MACF1: variants seen among roughly 807,000 people sequenced by gnomAD.
The protein encoded by MACF1 is microtubule-actin cross-linking factor 1.
MACF1 carries 193 observed loss-of-function variants against 854.8 expected under a neutral mutation model. The observed-to-expected ratio is 0.23, with a 90% CI of 0.20 to 0.25. The LOEUF is 0.25. Ranked by LOEUF, MACF1 falls within the 10% of genes least tolerant of loss-of-function variation. The pLI is 1.00. For missense variants in MACF1, 7,722 were observed against 8,929.1 expected (o/e 0.86, Z 5.45); for synonymous variants, 3,185 against 3,226.7 (o/e 0.99, Z 0.44).
chr1:39,338,103 TTAGG>T (rs1646856356), intron 38 of MACF1, among the ~76,000 whole-genome samples: 1 of 152,124 alleles, frequency 6.6e-6, no homozygotes, highest in Non-Finnish European at 1.5e-5. Context: ...TTGGATTGAT[TTAGG>T]TAAGTTCAAA....
intron 60 of MACF1, 104 bp downstream of exon 60, chr1:39,423,004 C>G (rs1042920230): frequency 2.0e-6 from 2 of 984,030 alleles, no homozygotes; most frequent in African/African-American, 3.3e-5. Flanking sequence ...TAGTAGAATC[C>G]TAAACTACTT....
intron 2 of MACF1, among the ~76,000 whole-genome samples, chr1:39,249,100 A>G (rs1118139): frequency 0.06 from 9,186 of 152,104 alleles, 359 homozygotes; most frequent in African/African-American, 0.11. Context: ...CAGAAATCCA[A>G]TTGCCACTTA....
Position 39,251,951 on chromosome 1 carries a change from C to T in MACF1, c.357+10C>T. 2.0e-6 allele frequency: 3 copies of T among 1,483,424 alleles called. No homozygotes were observed. The highest frequency in any genetic ancestry group is 1.8e-6 in the Non-Finnish European group (2 of 1,120,218). 91.9% of individuals were successfully genotyped at this position (1,483,424 alleles called of 1,614,324 possible). On this transcript the variant is annotated intron_variant, in intron 4 of 100. Coordinates refer to ENST00000564288, the MANE Select transcript of MACF1 (RefSeq NM_001394062.1). ...AGATGATGATGATGTAGTAGGTCCT[C>T]CTGGGGATGCCAGCATCCCAGCTGG... is the stretch of plus-strand genomic sequence containing the variant.
intron 41 of MACF1, 71 bp downstream of exon 41, chr1:39,347,281 G>C: frequency 8.6e-7 from 1 of 1,160,056 alleles, no homozygotes; most frequent in Non-Finnish European, 1.3e-6. Flanking sequence ...TTTCTGGCCA[G>C]ACTCTGTGTA....
Position 39,370,065 on chromosome 1 carries a change from A to T in MACF1, c.12974A>T (p.Asp4325Val), listed in dbSNP as rs781748268. The change falls in exon 51 of 101, where the codon GAT becomes GTT. Residue 4325 changes from aspartate to valine, a missense_variant. By Grantham distance (152) the Asp-to-Val change is radical. Coordinates refer to ENST00000564288, the MANE Select transcript of MACF1 (RefSeq NM_001394062.1). ...GCATCATCTTGCCAGGAACAGTTGG[A>T]TGAATTCCGGAAGCTGGTCAGGACC... ...KDASSCQEQL[D>V]EFRKLVRTFQ... The T allele has an allele frequency of 6.2e-7, 1 of 1,613,940 alleles. No homozygotes were observed. Among genetic ancestry groups the T allele is most frequent in the Non-Finnish European group, 8.5e-7 (1 of 1,179,928 alleles).
chr1:39,350,331 G>A (rs940585123), intron 42 of MACF1, among the ~76,000 whole-genome samples: 1 of 152,122 alleles, frequency 6.6e-6, no homozygotes, highest in South Asian at 2.1e-4. Flanking sequence ...AAGCTAGTTC[G>A]ACTGGACTGC....
In MACF1 at chr1:39,442,134, G is replaced by A. The variant is rs1644133109; in HGVS notation, c.18775-13G>A. 6.3e-7 allele frequency: 1 copy of A among 1,589,366 alleles called. No individual in the cohort carries two copies. Among genetic ancestry groups the A allele is most frequent in the African/African-American group, 1.4e-5 (1 of 73,520 alleles). The stretch of plus-strand genomic sequence containing the variant: ...GCTTGATTTGATGTTAACATTGAGT[G>A]TGTCTTTGACAGGAGTTCAAAGTAG... On this transcript the variant is annotated splice_polypyrimidine_tract_variant and intron_variant, in intron 75 of 100. Coordinates refer to ENST00000564288, the MANE Select transcript of MACF1 (RefSeq NM_001394062.1).
chr1:39,379,479 A>G (rs180704334), intron 54 of MACF1, 35 bp downstream of exon 54: 3 of 1,581,986 alleles, frequency 1.9e-6, no homozygotes, highest in East Asian at 4.5e-5. Context: ...CCCAACACCA[A>G]GAGGAAGAGA....
intron 2 of MACF1, among the ~76,000 whole-genome samples, chr1:39,131,786 A>G (rs1216425294): frequency 6.6e-6 from 1 of 152,182 alleles, no homozygotes; most frequent in Non-Finnish European, 1.5e-5. Flanking sequence ...TTTGTTTCCT[A>G]AGGATTTAAA....
intron 2 of MACF1, among the ~76,000 whole-genome samples, chr1:39,088,332 G>A (rs1390963100): frequency 2.6e-5 from 4 of 151,860 alleles, no homozygotes; most frequent in South Asian, 2.1e-4. Flanking sequence ...CAGGTGATCC[G>A]CTTGCCTTGG....
intron 2 of MACF1, among the ~76,000 whole-genome samples, chr1:39,231,582 T>C (rs559735438): frequency 1.3e-5 from 2 of 152,344 alleles, no homozygotes; most frequent in African/African-American, 4.8e-5. Flanking sequence ...GTGAAGACAT[T>C]ATTACCTACC....
At chr1:39,261,593 C>T (rs2148346662) in intron 6 of MACF1, among the ~76,000 whole-genome samples, 1 of 152,148 alleles carries the variant, frequency 6.6e-6, no homozygotes, top group East Asian at 1.9e-4. Flanking sequence ...TTTCACTTAA[C>T]ATAATATTTT....
At chr1:39,471,563 T>C (rs1644777662) in intron 97 of MACF1, among the ~76,000 whole-genome samples, 1 of 152,152 alleles carries the variant, frequency 6.6e-6, no homozygotes, top group Non-Finnish European at 1.5e-5. Flanking sequence ...AAAATGAAAA[T>C]ATTTTACTAG....
intron 58 of MACF1, among the ~76,000 whole-genome samples, chr1:39,401,175 G>A (rs1480377166): frequency 6.6e-6 from 1 of 152,088 alleles, no homozygotes; most frequent in Non-Finnish European, 1.5e-5. Context: ...CAACCAGCAG[G>A]TTTTTCTGAG....
intron 2 of MACF1, among the ~76,000 whole-genome samples, chr1:39,102,037 G>A (rs1312953147): frequency 2.8e-4 from 40 of 140,574 alleles, no homozygotes; most frequent in Middle Eastern, 9.0e-3. Flanking sequence ...TTAGCCGGGC[G>A]AGGTGGCGGG....
chr1:39,444,889 A>G (rs1644193349), intron 80 of MACF1, 54 bp downstream of exon 80: 24 of 1,451,178 alleles, frequency 1.7e-5, no homozygotes, highest in Middle Eastern at 1.8e-4. Flanking sequence ...TGCATGTATA[A>G]TAATTGCCAT....
rs1162779760 is a variant in MACF1, at chr1:39,451,039, G to A, written c.20259-13G>A. On this transcript the variant is annotated splice_polypyrimidine_tract_variant and intron_variant, in intron 84 of 100. Transcript: ENST00000564288. The stretch of plus-strand genomic sequence containing the variant: ...AATCCCTAAAAATGGTAGCGTTTGT[G>A]TGCATTTCTCAGGCAGCACAAGTTG... 1.2e-6 allele frequency: 2 copies of A among 1,610,436 alleles called. No individual in the cohort carries two copies. Among genetic ancestry groups the A allele is most frequent in the African/African-American group, 1.3e-5 (1 of 74,774 alleles).
At chr1:39,314,499 T>C (rs985406834) in intron 26 of MACF1, among the ~76,000 whole-genome samples, 2 of 151,394 alleles carry the variant, frequency 1.3e-5, no homozygotes, top group African/African-American at 2.4e-5. Flanking sequence ...TACATGTACG[T>C]AAGTTTACAG....
intron 58 of MACF1, chr1:39,410,307 C>T (rs1319292543): frequency 1.9e-6 from 3 of 1,611,854 alleles, no homozygotes; most frequent in African/African-American, 1.3e-5. Flanking sequence ...TAAGGCGGAA[C>T]CCCAGCTGCC....
Sources: allele counts gnomAD v4.1 joint callset (sites outside exome capture counted in the v4.1 genomes callset), GRCh38; gene constraint gnomAD v4.1.1; transcripts MANE v1.5; gene names NCBI Gene and HGNC (gene_info 2026-07-23, HGNC 2026-07-21).